NLGN1: variants seen among roughly 807,000 people sequenced by gnomAD.
NLGN1 encodes the protein neuroligin 1.
A neutral mutation model predicts 65.5 loss-of-function variants in NLGN1; 12 were observed. The observed-to-expected ratio is 0.18, with a 90% confidence interval of 0.12 to 0.30. The LOEUF (loss-of-function observed/expected upper bound fraction) is 0.30. Ranked by LOEUF, NLGN1 falls within the 10% of genes least tolerant of loss-of-function variation. The pLI is 1.00. For missense variants in NLGN1, 750 were observed against 1,007.1 expected (o/e 0.74, Z 3.46); for synonymous variants, 350 against 359.5 (o/e 0.97, Z 0.30).
chr3:174,062,503 T>A (rs2152520415), intron 4 of NLGN1, among the ~76,000 whole-genome samples: 1 of 152,138 alleles, frequency 6.6e-6, no homozygotes, highest in Non-Finnish European at 1.5e-5. Flanking sequence ...TTTTAAAAAA[T>A]TCTGATTAAA....
chr3:173,821,674 TA>T (rs1720327830), intron 4 of NLGN1, among the ~76,000 whole-genome samples: 1 of 152,144 alleles, frequency 6.6e-6, no homozygotes, highest in South Asian at 2.1e-4. Context: ...TATTTGGATT[TA>T]TTTTTTGGAA....
At chr3:173,627,040 C>G (rs60102624) in intron 3 of NLGN1, among the ~76,000 whole-genome samples, 1,934 of 152,142 alleles carry the variant, frequency 0.013, 37 homozygotes, top group African/African-American at 0.044. Flanking sequence ...CATAAGTAAA[C>G]TACGTCCTCA....
At chr3:173,588,771 C>G (rs79682840) in intron 2 of NLGN1, among the ~76,000 whole-genome samples, 1,955 of 152,222 alleles carry the variant, frequency 0.013, 47 homozygotes, top group East Asian at 0.11. Flanking sequence ...TTGTGTGAAA[C>G]CTTATGGGCC....
chr3:173,411,766 G>A (rs1430529128), intron 1 of NLGN1, among the ~76,000 whole-genome samples: 1 of 151,984 alleles, frequency 6.6e-6, no homozygotes, highest in African/African-American at 2.4e-5. Flanking sequence ...GACATTTCCA[G>A]TTATGAGGGC....
intron 2 of NLGN1, among the ~76,000 whole-genome samples, chr3:173,512,694 A>G (rs1656889716): frequency 6.6e-6 from 1 of 152,180 alleles, no homozygotes; most frequent in African/African-American, 2.4e-5. Context: ...TGCGAGTTTC[A>G]GGCTTTTTGG....
At chr3:173,866,982 T>A (rs1730300523) in intron 4 of NLGN1, among the ~76,000 whole-genome samples, 1 of 152,198 alleles carries the variant, frequency 6.6e-6, no homozygotes, top group Non-Finnish European at 1.5e-5. Context: ...AGTCTGAATC[T>A]GTATCTTTGA....
At chr3:174,265,763 CTA>C (rs374563161) in intron 4 of NLGN1, among the ~76,000 whole-genome samples, 3,204 of 125,484 alleles carry the variant, frequency 0.026, 122 homozygotes, top group African/African-American at 0.091. Flanking sequence ...ACTAAGAAGG[CTA>C]TATATATATA....
intron 4 of NLGN1, among the ~76,000 whole-genome samples, chr3:173,971,430 G>GGAT (rs200908279): frequency 3.3e-5 from 5 of 151,794 alleles, no homozygotes; most frequent in East Asian, 3.9e-4. Flanking sequence ...GAGAGACAGA[G>GGAT]GATGATGATG....
chr3:174,042,540 G>A (rs1732579001), intron 4 of NLGN1, among the ~76,000 whole-genome samples: 1 of 152,124 alleles, frequency 6.6e-6, no homozygotes, highest in South Asian at 2.1e-4. Context: ...TCAGTTAGTA[G>A]ATCAAGGGAC....
At chr3:174,055,132 A>G (rs560967597) in intron 4 of NLGN1, among the ~76,000 whole-genome samples, 3 of 141,676 alleles carry the variant, frequency 2.1e-5, no homozygotes, top group South Asian at 4.5e-4. Context: ...CTGAATATCA[A>G]CTCCTTAAAG....
chr3:174,142,747 T>C (rs1245579861), intron 4 of NLGN1, among the ~76,000 whole-genome samples: 1 of 152,196 alleles, frequency 6.6e-6, no homozygotes, highest in Admixed American at 6.5e-5. Context: ...GAAGAACATA[T>C]AATTTTATGC....
At chr3:173,575,408 G>A (rs142564697) in intron 2 of NLGN1, among the ~76,000 whole-genome samples, 2 of 151,916 alleles carry the variant, frequency 1.3e-5, no homozygotes, top group African/African-American at 4.8e-5. Context: ...ACTTCTTCAC[G>A]TACTTTTGGT....
At chr3:174,231,878 G>C (rs559585497) in intron 4 of NLGN1, among the ~76,000 whole-genome samples, 10 of 152,252 alleles carry the variant, frequency 6.6e-5, no homozygotes, top group Admixed American at 2.0e-4. Flanking sequence ...GCCTTTCTAA[G>C]TCTAGGTTTT....
chr3:173,407,840 G>A (rs929892976), intron 1 of NLGN1, among the ~76,000 whole-genome samples: 9 of 152,162 alleles, frequency 5.9e-5, no homozygotes, highest in African/African-American at 1.7e-4. Context: ...TTTTGGTTTA[G>A]GGCCTCTGCA....
chr3:173,437,599 A>G (rs900037840), intron 2 of NLGN1, among the ~76,000 whole-genome samples: 1 of 152,086 alleles, frequency 6.6e-6, no homozygotes, highest in Non-Finnish European at 1.5e-5. Context: ...CTCTTCATTT[A>G]GCTTAGTGGA....
At chr3:173,807,633 G>T (rs1255860194) in intron 3 of NLGN1, 47 bp from the exon 4 acceptor site, 1 of 1,592,638 alleles carries the variant, frequency 6.3e-7, no homozygotes, top group Non-Finnish European at 8.6e-7. Flanking sequence ...GCTTCATTGT[G>T]TGTTATTTTT....
chr3:173,460,779 A>G (rs1181957387), intron 2 of NLGN1, among the ~76,000 whole-genome samples: 4 of 152,160 alleles, frequency 2.6e-5, no homozygotes, highest in African/African-American at 9.6e-5. Flanking sequence ...TGATGTCTAC[A>G]TGGAAATAAA....
chr3:173,997,464 C>T (rs776365781), intron 4 of NLGN1, among the ~76,000 whole-genome samples: 5 of 152,174 alleles, frequency 3.3e-5, no homozygotes, highest in East Asian at 1.9e-4. Context: ...TTTTAAAATA[C>T]GTTTACAGAA....
intron 4 of NLGN1, among the ~76,000 whole-genome samples, chr3:173,973,437 T>C (rs1716728023): frequency 6.6e-6 from 1 of 152,086 alleles, no homozygotes; most frequent in Admixed American, 6.6e-5. Flanking sequence ...GGAGGAAGAA[T>C]AAACCAAGAA....
Sources: allele counts gnomAD v4.1 joint callset (sites outside exome capture counted in the v4.1 genomes callset), GRCh38; gene constraint gnomAD v4.1.1; transcripts MANE v1.5; gene names NCBI Gene and HGNC (gene_info 2026-07-23, HGNC 2026-07-21).